MAP4K5: variants seen among roughly 807,000 people sequenced by gnomAD.
MAP4K5 encodes mitogen-activated protein kinase kinase kinase kinase 5.
MAP4K5 carries 82 observed loss-of-function variants against 135.6 expected under a neutral mutation model. That is an observed-to-expected ratio of 0.60 (90% CI 0.51 to 0.73). MAP4K5 has a LOEUF of 0.73. Ranked by LOEUF, MAP4K5 falls within the 30% of genes least tolerant of loss-of-function variation. The pLI, the probability that MAP4K5 is intolerant of heterozygous loss-of-function variation, is 0.00. For synonymous variants in MAP4K5, 347 were observed against 335.0 expected, an observed-to-expected ratio of 1.04 and a Z score of -0.39; for missense variants, 907 against 1,010.9, an observed-to-expected ratio of 0.90 and a Z score of 1.39.
At chr14:50,546,902 T>C (rs532914937) in intron 1 of MAP4K5, among the ~76,000 whole-genome samples, 1 of 152,180 alleles carries the variant, frequency 6.6e-6, no homozygotes, top group African/African-American at 2.4e-5. Context: ...GTTTGTTACA[T>C]AGGCATACAC....
rs45481893 is a variant in MAP4K5 at position 50,456,536 on chromosome 14, C to T, written c.995G>A (p.Arg332Gln). ...CATACAATTTATTTCTGAAGCTGTC[C>T]GTTCAGCTCTGGCATTCCTGTTTGT... ...RSTNRNARAERTASEINFDKL... is the reference protein window; with the variant it reads ...RSTNRNARAEQTASEINFDKL... The change falls in exon 14 of 33, where the codon CGG (arginine) becomes CAG (glutamine). Residue 332 changes from arginine to glutamine, a missense_variant. Arg to Gln is a conservative substitution (Grantham distance 43). Around this residue, in one of 3 missense-constraint regions of MAP4K5, gnomAD observed 690 missense variants for 777.4 expected, o/e 0.89. Transcript: ENST00000682126. 5.8e-4 allele frequency: 918 copies of T among 1,577,850 alleles called. 1 individual carries two copies. Among genetic ancestry groups the T allele is most frequent in the Non-Finnish European group, 6.6e-4 (763 of 1,160,354 alleles).
chr14:50,536,904 T>A (rs1190192451), upstream of MAP4K5, among the ~76,000 whole-genome samples: 3 of 152,198 alleles, frequency 2.0e-5, no homozygotes, highest in Non-Finnish European at 4.4e-5. Context: ...GCATAAAAGT[T>A]TGGAAAATTT....
chr14:50,483,216 T>G (rs1193957237), intron 5 of MAP4K5: 2 of 152,196 alleles, frequency 1.3e-5, no homozygotes, highest in Non-Finnish European at 2.9e-5. Context: ...AAGAGAGGCT[T>G]GATCCAGTAC....
At chr14:50,435,128 A>G in intron 26 of MAP4K5, 63 bp from the exon 27 acceptor site, 4 of 807,782 alleles carry the variant, frequency 5.0e-6, no homozygotes, top group Non-Finnish European at 6.1e-6. Flanking sequence ...CTTTCATTGT[A>G]TCTGTTAACC....
chr14:50,531,338 TA>T (rs2038382685), intron 2 of MAP4K5, among the ~76,000 whole-genome samples: 1 of 152,164 alleles, frequency 6.6e-6, no homozygotes, highest in Admixed American at 6.5e-5. Flanking sequence ...AAGGAACCGC[TA>T]AAGTAAAACA....
At chr14:50,513,172 C>A (rs1374319899) in intron 2 of MAP4K5, among the ~76,000 whole-genome samples, 1 of 152,158 alleles carries the variant, frequency 6.6e-6, no homozygotes, top group Non-Finnish European at 1.5e-5. Flanking sequence ...ACAATAGAAT[C>A]ATTCCAATTA....
chr14:50,431,765 C>T (rs953036783), intron 28 of MAP4K5, among the ~76,000 whole-genome samples: 3 of 151,874 alleles, frequency 2.0e-5, no homozygotes, highest in African/African-American at 7.3e-5. Context: ...TGGGTATATA[C>T]CCAGTAATGG....
rs757712618 is a variant in MAP4K5, at chr14:50,476,323, A to G, written c.379-17T>C. The G allele has an allele frequency of 1.5e-6, 2 of 1,333,324 alleles. No individual in the cohort carries two copies. The highest frequency in any genetic ancestry group is 3.5e-5 in the South Asian group (2 of 57,268). The allele number at this position is 1,333,324 out of a possible 1,614,324, so 82.6% of individuals were successfully genotyped here. On this transcript the variant is annotated splice_polypyrimidine_tract_variant and intron_variant, in intron 6 of 32. Transcript: ENST00000682126. The stretch of plus-strand genomic sequence containing the variant: ...GGCAAGACCCTAAAAGTTTAAAAAA[A>G]AAAAAAAAGAATGTATCAGCAAAAC...
chr14:50,466,970 TCTCTAATAC>T, intron 10 of MAP4K5, among the ~76,000 whole-genome samples: 1 of 152,272 alleles, frequency 6.6e-6, no homozygotes, highest in South Asian at 2.1e-4. Context: ...TGTATATAAT[TCTCTAATAC>T]ATAGAGATGA....
chr14:50,516,942 A>G (rs956962703), intron 2 of MAP4K5, among the ~76,000 whole-genome samples: 1 of 152,268 alleles, frequency 6.6e-6, no homozygotes, highest in South Asian at 2.1e-4. Flanking sequence ...AGATAAAAAT[A>G]TAAGTTTGCT....
chr14:50,427,331 A>G (rs1176373186), intron 30 of MAP4K5, among the ~76,000 whole-genome samples: 1 of 152,194 alleles, frequency 6.6e-6, no homozygotes, highest in Non-Finnish European at 1.5e-5. Context: ...AAGGAGTAAA[A>G]GAAGAAACTA....
chr14:50,548,671 A>C (rs535978492), intron 1 of MAP4K5, among the ~76,000 whole-genome samples: 2 of 152,116 alleles, frequency 1.3e-5, no homozygotes, highest in Non-Finnish European at 2.9e-5. Context: ...CGCCACGCCC[A>C]GCTAATTTTT....
At chr14:50,542,006 C>CAAAAAA (rs59075218) in intron 2 of MAP4K5, among the ~76,000 whole-genome samples, 5 of 62,478 alleles carry the variant, frequency 8.0e-5, no homozygotes, top group Admixed American at 2.2e-4. Context: ...GATTCCGTCT[C>CAAAAAA]AAAAAAAAAA....
Position 50,440,398 on chromosome 14 carries a change from C to T in MAP4K5, c.1608G>A (p.Leu536=), listed in dbSNP as rs778395208. The change falls in exon 22 of 33, where the codon CTG becomes CTA. Residue 536 remains leucine, a synonymous_variant. Coordinates refer to ENST00000682126, the MANE Select transcript of MAP4K5 (RefSeq NM_006575.6). ...IFGTEDGIYT[L]NLNELHEATM... ...TTGCCTCATGTAGCTCATTGAGATTCAGTGTGTAAATACCATCTTCAGTTC... is the reference window on the plus strand; with the variant it reads ...TTGCCTCATGTAGCTCATTGAGATTTAGTGTGTAAATACCATCTTCAGTTC... The T allele has an allele frequency of 2.5e-5, 40 of 1,604,232 alleles. No individual in the cohort carries two copies. Among genetic ancestry groups the T allele is most frequent in the Non-Finnish European group, 2.3e-5 (27 of 1,173,508 alleles).
chr14:50,440,837 T>C (rs2036210312), intron 21 of MAP4K5, among the ~76,000 whole-genome samples: 1 of 152,142 alleles, frequency 6.6e-6, no homozygotes, highest in Non-Finnish European at 1.5e-5. Context: ...ATCCAGATCT[T>C]GGTTTCTAAA....
chr14:50,528,425 G>T (rs1340361628), intron 2 of MAP4K5, among the ~76,000 whole-genome samples: 1 of 140,320 alleles, frequency 7.1e-6, no homozygotes, highest in Admixed American at 7.1e-5. Context: ...AAAAAAAAAG[G>T]CAGGGAAAAA....
intron 14 of MAP4K5, among the ~76,000 whole-genome samples, chr14:50,455,088 T>C (rs757355802): frequency 6.6e-6 from 1 of 151,956 alleles, no homozygotes; most frequent in Non-Finnish European, 1.5e-5. Flanking sequence ...ATAATAAAGA[T>C]GGCATATCAA....
intron 14 of MAP4K5, among the ~76,000 whole-genome samples, chr14:50,454,652 A>G (rs1595458470): frequency 2.0e-5 from 3 of 152,074 alleles, no homozygotes; most frequent in Non-Finnish European, 4.4e-5. Flanking sequence ...CTCTATGAGG[A>G]TATTAGTATT....
chr14:50,521,217 T>C (rs1008011002), intron 2 of MAP4K5, among the ~76,000 whole-genome samples: 3 of 152,192 alleles, frequency 2.0e-5, no homozygotes, highest in African/African-American at 7.2e-5. Flanking sequence ...AAGAAGTGCA[T>C]CTGAAAACTG....
Sources: allele counts gnomAD v4.1 joint callset (sites outside exome capture counted in the v4.1 genomes callset), GRCh38; gene constraint gnomAD v4.1.1; regional missense constraint gnomAD v4.1.1; transcripts MANE v1.5; gene names NCBI Gene and HGNC (gene_info 2026-07-23, HGNC 2026-07-21).